SLC19A1: variants seen among roughly 807,000 people sequenced by gnomAD.
SLC19A1 encodes the protein reduced folate transporter.
SLC19A1 carries 37 observed loss-of-function variants against 35.3 expected under a neutral mutation model. The ratio of observed to expected loss-of-function variants is 1.05; its 90% confidence interval spans 0.81 to 1.38. The LOEUF is 1.38. Among genes scored for constraint, SLC19A1 ranks in the 40% most tolerant of loss-of-function variants. The pLI is 0.00. For missense variants in SLC19A1, 831 were observed against 826.9 expected (o/e 1.00, Z -0.06); for synonymous variants, 460 against 398.5 (o/e 1.15, Z -1.84).
chr21:45,550,627 G>C (rs757238024), intron 1 of SLC19A1, among the ~76,000 whole-genome samples: 1 of 152,236 alleles, frequency 6.6e-6, no homozygotes, highest in African/African-American at 2.4e-5. Context: ...CAGCCCCGCC[G>C]GGAGGCTTGG....
intron 1 of SLC19A1, among the ~76,000 whole-genome samples, chr21:45,558,087 C>T (rs569701653): frequency 6.6e-6 from 1 of 152,392 alleles, no homozygotes; most frequent in East Asian, 1.9e-4. Flanking sequence ...GCGGCATCGT[C>T]TCCAAGCCTG....
At chr21:45,550,753 C>G (rs956969436) in intron 1 of SLC19A1, among the ~76,000 whole-genome samples, 3 of 152,180 alleles carry the variant, frequency 2.0e-5, no homozygotes, top group Non-Finnish European at 4.4e-5. Context: ...AATTTTCACA[C>G]GCAGTAGTGC....
chr21:45,531,702 G>A lies in SLC19A1; in HGVS notation c.636C>T (p.Phe212=). 1 of 1,612,492 alleles carries A rather than the reference G, an allele frequency of 6.2e-7. No individual in the cohort carries two copies. The highest frequency in any genetic ancestry group is 2.2e-5 in the East Asian group (1 of 44,862). The change falls in exon 3 of 6, where the codon TTC becomes TTT. Residue 212 remains phenylalanine (F), a synonymous_variant. Transcript: ENST00000311124. ...CGCACCGCCCCCGGTCGTCGCGGTT[G>A]AAGAAGAGGCTGCGCTTGGGGCGCT... ...FLKRPKRSLF[F]NRDDRGRCET...
At chr21:45,525,665 G>A (rs1012206197) in intron 5 of SLC19A1, 152 bp downstream of exon 5, 10 of 775,618 alleles carry the variant, frequency 1.3e-5, no homozygotes, top group Admixed American at 2.8e-5. Context: ...TCCTGCTCTC[G>A]CTGGCCTGGT....
At chr21:45,538,402 G>C (rs2078203148) in intron 1 of SLC19A1, among the ~76,000 whole-genome samples, 1 of 152,234 alleles carries the variant, frequency 6.6e-6, no homozygotes, top group South Asian at 2.1e-4. Flanking sequence ...CGGTCAGGGG[G>C]CACACCTCAC....
Position 45,515,127 on chromosome 21 carries a change from A to G in SLC19A1, c.*531T>C, listed in dbSNP as rs1482775926. On this transcript the variant is annotated 3_prime_UTR_variant, in exon 6 of 6. Coordinates refer to ENST00000311124, the MANE Select transcript of SLC19A1 (RefSeq NM_194255.4). ...CCTGAGATGGCTTTTCCACAGAGAC[A>G]GAGAAGCCACATGCAGTTCTTCATT... 4 of 1,540,200 alleles carry G rather than the reference A, an allele frequency of 2.6e-6. No homozygotes were observed. Among genetic ancestry groups the G allele is most frequent in the Non-Finnish European group, 3.5e-6 (4 of 1,143,998 alleles).
chr21:45,551,178 C>T (rs1307766076), intron 1 of SLC19A1, among the ~76,000 whole-genome samples: 9 of 151,682 alleles, frequency 5.9e-5, no homozygotes, highest in East Asian at 1.9e-4. Flanking sequence ...AGCTTGAACC[C>T]GGGAGGTGGA....
At chr21:45,504,156 TG>T in intron 3 of SLC19A1, 3 of 1,353,070 alleles carry the variant, frequency 2.2e-6, no homozygotes, top group Non-Finnish European at 3.2e-6. Context: ...GCCCCCTTCC[TG>T]TTCAGCCCTG....
chr21:45,503,552 C>T (rs989329440), intron 3 of SLC19A1, among the ~76,000 whole-genome samples: 37 of 147,918 alleles, frequency 2.5e-4, no homozygotes, highest in South Asian at 1.9e-3. Flanking sequence ...AACCAAACAC[C>T]GCATATTCTC....
chr21:45,515,495 C>G lies in SLC19A1; in HGVS notation c.*163G>C. ...AGCTGCCCTGAGTGTCGCCAGCACG[C>G]TGTGGCCACCGCCAGAGTGCGGCAC... On this transcript the variant is annotated 3_prime_UTR_variant, in exon 6 of 6. Transcript: ENST00000311124. The G allele has an allele frequency of 6.6e-7, 1 of 1,506,604 alleles. No homozygotes were observed. Among genetic ancestry groups the G allele is most frequent in the Non-Finnish European group, 8.8e-7 (1 of 1,140,910 alleles). 93.3% of individuals were successfully genotyped at this position (1,506,604 alleles called of 1,614,324 possible).
rs770114433 is a variant in SLC19A1, at chr21:45,530,859, C to T, written c.1062G>A (p.Ala354=). ...AGATGCTGCTCGGGTGGCGCGTGTG[C>T]GCCAGAAGGAAGACCAGCCCCGCCT... ...ATQAGLVFLL[A]HTRHPSSIWL... Residue 354 remains alanine, a synonymous_variant, in exon 4 of 6, where the codon GCG becomes GCA. Coordinates refer to ENST00000311124, the MANE Select transcript of SLC19A1 (RefSeq NM_194255.4). The surrounding 1 kb of genome is among the most constrained non-coding windows in gnomAD (Gnocchi z 5.3). 1.3e-5 allele frequency: 19 copies of T among 1,494,394 alleles called. No individual in the cohort carries two copies. Among genetic ancestry groups the T allele is most frequent in the Admixed American group, 4.6e-5 (2 of 43,476 alleles). 92.6% of individuals were successfully genotyped at this position (1,494,394 alleles called of 1,614,324 possible).
At chr21:45,562,153 A>C (rs991219966) in intron 1 of SLC19A1, among the ~76,000 whole-genome samples, 4 of 151,328 alleles carry the variant, frequency 2.6e-5, no homozygotes, top group Non-Finnish European at 5.9e-5. Flanking sequence ...AAAAAAGACA[A>C]ATCCAGAAAT....
At chr21:45,511,456 G>A (rs2037603976), downstream of SLC19A1, among the ~76,000 whole-genome samples, 1 of 152,164 alleles carries the variant, frequency 6.6e-6, no homozygotes, top group South Asian at 2.1e-4. Flanking sequence ...CCCCGAAGGT[G>A]CCCCCGGCCC....
At chr21:45,508,038 T>A (rs1404937620), downstream of SLC19A1, among the ~76,000 whole-genome samples, 5 of 150,396 alleles carry the variant, frequency 3.3e-5, no homozygotes, top group African/African-American at 4.9e-5. Flanking sequence ...GGTGAGTGGA[T>A]ACGTAGGTAG....
intron 1 of SLC19A1, among the ~76,000 whole-genome samples, chr21:45,562,320 C>T (rs2078623652): frequency 6.6e-6 from 1 of 152,300 alleles, no homozygotes; most frequent in South Asian, 2.1e-4. Flanking sequence ...GCATTCACCA[C>T]ATCGGCATCG....
At chr21:45,544,680 G>A (rs114698762), upstream of SLC19A1, among the ~76,000 whole-genome samples, 1 of 152,082 alleles carries the variant, frequency 6.6e-6, no homozygotes, top group East Asian at 1.9e-4. Context: ...TGTGGATCCC[G>A]GCCCTCCAGC....
chr21:45,552,817 C>T (rs952895808), intron 1 of SLC19A1, among the ~76,000 whole-genome samples: 1 of 151,848 alleles, frequency 6.6e-6, no homozygotes, highest in African/African-American at 2.4e-5. Flanking sequence ...TCCGCCCGTC[C>T]ACCCTGTCCC....
chr21:45,503,648 A>T (rs1477953810), intron 3 of SLC19A1, among the ~76,000 whole-genome samples: 2 of 56,296 alleles, frequency 3.6e-5, no homozygotes, highest in Admixed American at 2.9e-4. Flanking sequence ...GGGTGGGGGG[A>T]GGGGGGAGGG....
intron 3 of SLC19A1, chr21:45,504,385 G>A (rs1261622845): frequency 1.9e-6 from 3 of 1,604,762 alleles, no homozygotes; most frequent in Admixed American, 3.4e-5. Flanking sequence ...GGGGTTCAGG[G>A]CTCCCGTGTA....
Sources: allele counts gnomAD v4.1 joint callset (sites outside exome capture counted in the v4.1 genomes callset), GRCh38; gene constraint gnomAD v4.1.1; non-coding constraint Gnocchi (gnomAD v3.1); transcripts MANE v1.5; gene names NCBI Gene and HGNC (gene_info 2026-07-23, HGNC 2026-07-21).